MED27: variants seen among roughly 807,000 people sequenced by gnomAD.
MED27 encodes the protein mediator of RNA polymerase II transcription subunit 27.
Under a neutral mutation model 38.2 loss-of-function variants are expected in MED27, and 30 were observed. The ratio of observed to expected loss-of-function variants is 0.79; its 90% CI spans 0.59 to 1.07. MED27 has a LOEUF of 1.07. Ranked by LOEUF, MED27 falls within the 50% of genes least tolerant of loss-of-function variation. The pLI is 0.00. For synonymous variants in MED27, 122 were observed against 153.5 expected (o/e 0.79, Z 1.52); for missense variants, 289 against 397.5 (o/e 0.73, Z 2.32).
chr9:132,068,219 A>G (rs1360074966), intron 2 of MED27, among the ~76,000 whole-genome samples: 1 of 152,086 alleles, frequency 6.6e-6, no homozygotes, highest in East Asian at 1.9e-4. Flanking sequence ...CAGTATTCAC[A>G]TCATCCTCAC....
chr9:132,042,499 A>T (rs1200272062), intron 2 of MED27, among the ~76,000 whole-genome samples: 2 of 152,194 alleles, frequency 1.3e-5, no homozygotes, highest in African/African-American at 4.8e-5. Context: ...CATACTGCCC[A>T]GGGACCTCTG....
At chr9:132,013,316 T>C (rs534266368) in intron 3 of MED27, among the ~76,000 whole-genome samples, 1 of 152,222 alleles carries the variant, frequency 6.6e-6, no homozygotes, top group South Asian at 2.1e-4. Context: ...AAGAAGCTCA[T>C]ACAAAAAAAT....
intron 4 of MED27, among the ~76,000 whole-genome samples, chr9:131,914,762 C>G (rs1830258925): frequency 6.6e-6 from 1 of 152,118 alleles, no homozygotes. Flanking sequence ...TACATGGGTG[C>G]AAGGGTGGAG....
intron 3 of MED27, among the ~76,000 whole-genome samples, chr9:131,986,305 C>G (rs1831848951): frequency 6.6e-6 from 1 of 152,152 alleles, no homozygotes; most frequent in Non-Finnish European, 1.5e-5. Context: ...AAGCTCCATG[C>G]ATGGTGAAGT....
chr9:131,992,903 C>T (rs911993980), intron 3 of MED27, among the ~76,000 whole-genome samples: 5 of 152,250 alleles, frequency 3.3e-5, no homozygotes, highest in African/African-American at 7.2e-5. Context: ...ACTGAGTGAT[C>T]GCTGTATCAC....
chr9:131,922,970 G>T (rs1830424205), intron 4 of MED27, among the ~76,000 whole-genome samples: 1 of 152,138 alleles, frequency 6.6e-6, no homozygotes, highest in African/African-American at 2.4e-5. Flanking sequence ...TTCCGGCACA[G>T]CAAGATGCTC....
intron 3 of MED27, among the ~76,000 whole-genome samples, chr9:131,969,985 A>G (rs1460909135): frequency 6.6e-6 from 1 of 152,134 alleles, no homozygotes; most frequent in Non-Finnish European, 1.5e-5. Flanking sequence ...GTGGGGGCAT[A>G]GGAGGGAGGT....
At chr9:131,907,865 C>A (rs1830100442) in intron 4 of MED27, among the ~76,000 whole-genome samples, 1 of 150,272 alleles carries the variant, frequency 6.7e-6, no homozygotes, top group Admixed American at 6.6e-5. Flanking sequence ...CGCCTCTGCC[C>A]CGCCGCCCCG....
At chr9:131,959,584 GT>G (rs1210457315) in intron 3 of MED27, among the ~76,000 whole-genome samples, 2 of 152,140 alleles carry the variant, frequency 1.3e-5, no homozygotes, top group African/African-American at 4.8e-5. Context: ...TTTAGACAAG[GT>G]AATCTCTAAG....
At chr9:132,027,577 A>G (rs895762638) in intron 2 of MED27, among the ~76,000 whole-genome samples, 1 of 152,242 alleles carries the variant, frequency 6.6e-6, no homozygotes, top group African/African-American at 2.4e-5. Flanking sequence ...GTACACAGCC[A>G]TAATTCCCTA....
intron 4 of MED27, among the ~76,000 whole-genome samples, chr9:131,912,023 C>G (rs868499145): frequency 2.6e-5 from 4 of 152,266 alleles, no homozygotes; most frequent in Non-Finnish European, 4.4e-5. Flanking sequence ...AAGCAAGGGC[C>G]TGAAAAGTCC....
intron 4 of MED27, among the ~76,000 whole-genome samples, chr9:131,927,730 T>A (rs1249573761): frequency 1.3e-5 from 2 of 152,224 alleles, no homozygotes; most frequent in Non-Finnish European, 2.9e-5. Context: ...TGGCTTTAGA[T>A]AAGCCAAGCT....
chr9:132,023,010 A>G (rs905477242), intron 2 of MED27, among the ~76,000 whole-genome samples: 1 of 152,198 alleles, frequency 6.6e-6, no homozygotes, highest in Admixed American at 6.5e-5. Context: ...TCAGTTGGGA[A>G]AGGGCTCCTT....
chr9:132,045,014 T>C (rs1434940043), intron 2 of MED27, among the ~76,000 whole-genome samples: 1 of 152,044 alleles, frequency 6.6e-6, no homozygotes, highest in Non-Finnish European at 1.5e-5. Flanking sequence ...CTACTAAGTT[T>C]CAAAGAGACA....
intron 6 of MED27, among the ~76,000 whole-genome samples, chr9:131,867,510 T>C (rs967214823): frequency 1.4e-4 from 21 of 152,200 alleles, no homozygotes; most frequent in Non-Finnish European, 2.9e-5. Flanking sequence ...ACTGCACATC[T>C]AGGAAATGGG....
At chr9:131,976,795 A>G (rs1445282943) in intron 3 of MED27, among the ~76,000 whole-genome samples, 1 of 152,244 alleles carries the variant, frequency 6.6e-6, no homozygotes, top group Non-Finnish European at 1.5e-5. Flanking sequence ...AAATGAATAC[A>G]GCAGTAAACT....
At chr9:131,882,728 G>T (rs990948797) in intron 6 of MED27, among the ~76,000 whole-genome samples, 4 of 152,302 alleles carry the variant, frequency 2.6e-5, no homozygotes, top group African/African-American at 9.6e-5. Flanking sequence ...GCCTGCCTCA[G>T]TTTCCCCTAC....
intron 3 of MED27, among the ~76,000 whole-genome samples, chr9:132,008,235 C>T (rs4302970): frequency 0.99 from 151,193 of 152,306 alleles, 75,053 homozygotes; most frequent in Middle Eastern, 1. Context: ...CAGGTAAACA[C>T]AGCTACATCT....
rs947249679 is a variant in MED27 at position 132,079,785 on chromosome 9, G to A, written c.60C>T (p.Ala20=). Reference sequence around the variant, plus strand: ...TCACGCTGGAGCGCAGCGCCTGGATGGCACTAATGGCCTGGGAAAAGGCCT... The same window carrying A: ...TCACGCTGGAGCGCAGCGCCTGGATAGCACTAATGGCCTGGGAAAAGGCCT... The part of the protein sequence containing the change: ...NLEAFSQAIS[A]IQALRSSVSR... The change falls in exon 1 of 8, where the codon GCC becomes GCT. Residue 20 remains alanine, a synonymous_variant. Coordinates refer to ENST00000292035, the MANE Select transcript of MED27 (RefSeq NM_004269.4). The A allele has an allele frequency of 1.2e-6, 2 of 1,614,062 alleles. No homozygotes were observed. The highest frequency in any genetic ancestry group is 3.3e-5 in the Admixed American group (2 of 59,994).
Sources: allele counts gnomAD v4.1 joint callset (sites outside exome capture counted in the v4.1 genomes callset), GRCh38; gene constraint gnomAD v4.1.1; transcripts MANE v1.5; gene names NCBI Gene and HGNC (gene_info 2026-07-23, HGNC 2026-07-21).